CNTNAP2: variants seen among roughly 807,000 people sequenced by gnomAD.
The protein encoded by CNTNAP2 is contactin associated protein 2, also known as contactin-associated protein-like 2.
Under a neutral mutation model 155.2 loss-of-function variants are expected in CNTNAP2, and 98 were observed. The ratio of observed to expected loss-of-function variants is 0.63; its 90% CI spans 0.54 to 0.75. CNTNAP2 has a LOEUF of 0.75. CNTNAP2 is among the 30% of genes least tolerant of loss of function. CNTNAP2 has a pLI of 0.00. For synonymous variants in CNTNAP2, 651 were observed against 631.2 expected, an observed-to-expected ratio of 1.03 and a Z score of -0.47; for missense variants, 1,727 against 1,688.1, an observed-to-expected ratio of 1.02 and a Z score of -0.40.
At chr7:146,337,783 T>C (rs1352283445) in intron 1 of CNTNAP2, among the ~76,000 whole-genome samples, 2 of 152,146 alleles carry the variant, frequency 1.3e-5, no homozygotes, top group Admixed American at 6.5e-5. Context: ...ATGATTATGA[T>C]TTTATTCATT....
At chr7:146,127,376 C>G (rs1724710055) in intron 1 of CNTNAP2, among the ~76,000 whole-genome samples, 2 of 152,118 alleles carry the variant, frequency 1.3e-5, no homozygotes, top group African/African-American at 4.8e-5. Flanking sequence ...ATAAGGAACA[C>G]AGTGATCACA....
At chr7:148,186,741 A>T (rs1795121923) in intron 18 of CNTNAP2, among the ~76,000 whole-genome samples, 1 of 152,306 alleles carries the variant, frequency 6.6e-6, no homozygotes, top group Non-Finnish European at 1.5e-5. Flanking sequence ...CACCTGGCCT[A>T]AGTTTGACAC....
chr7:147,956,620 A>G (rs528214519), intron 14 of CNTNAP2, among the ~76,000 whole-genome samples: 63 of 152,278 alleles, frequency 4.1e-4, no homozygotes, highest in African/African-American at 1.4e-3. Context: ...TGAAATGACC[A>G]TGGACCGCAG....
chr7:147,629,772 C>G (rs1480732284), intron 12 of CNTNAP2, among the ~76,000 whole-genome samples: 2 of 151,854 alleles, frequency 1.3e-5, no homozygotes, highest in Admixed American at 1.3e-4. Flanking sequence ...AAAAATTGAG[C>G]TGATTGATGA....
chr7:146,994,258 A>G (rs567079625), intron 3 of CNTNAP2, among the ~76,000 whole-genome samples: 2 of 152,274 alleles, frequency 1.3e-5, no homozygotes, highest in South Asian at 2.1e-4. Context: ...CAGAGCAAGT[A>G]ATCTTACCAT....
intron 1 of CNTNAP2, among the ~76,000 whole-genome samples, chr7:146,331,728 A>G (rs1032720823): frequency 2.0e-5 from 3 of 152,192 alleles, no homozygotes; most frequent in African/African-American, 7.2e-5. Context: ...CTGTTGGGGA[A>G]GCATGTTTCA....
chr7:148,029,537 T>C (rs1334749750), intron 15 of CNTNAP2, among the ~76,000 whole-genome samples: 1 of 152,222 alleles, frequency 6.6e-6, no homozygotes, highest in East Asian at 1.9e-4. Context: ...GAAATGAAAC[T>C]ATACAACAAT....
chr7:147,510,473 C>A (rs1798994172), intron 11 of CNTNAP2, among the ~76,000 whole-genome samples: 1 of 151,798 alleles, frequency 6.6e-6, no homozygotes, highest in Admixed American at 6.6e-5. Context: ...ATGAGGATAG[C>A]AGACAAGGAA....
At position 148,337,703 on chromosome 7, in the gene CNTNAP2, A is replaced by C. The variant is rs77907174; in HGVS notation, c.3476-45946A>C. 5.1e-3 allele frequency among the ~76,000 whole-genome samples: 774 copies of C among 152,280 alleles called. 2 individuals are homozygous for C. Among genetic ancestry groups the C allele is most frequent in the Non-Finnish European group, 8.5e-3 (579 of 68,008 alleles). On this transcript the variant is annotated intron_variant, in intron 21 of 23. Coordinates refer to ENST00000361727, the MANE Select transcript of CNTNAP2 (RefSeq NM_014141.6). ...GAGAGTGAAAAAGGAATGGGTTTTT[A>C]TGTATTTCTAGCCAGCTCTTGGCCC... is the stretch of plus-strand genomic sequence containing the variant.
chr7:147,035,032 C>T (rs10260918), intron 3 of CNTNAP2, among the ~76,000 whole-genome samples: 56,128 of 152,110 alleles, frequency 0.37, 10,557 homozygotes, highest in South Asian at 0.43. Context: ...CTCTGCCCTC[C>T]TCCCATATCG....
chr7:148,121,338 T>C (rs1319267421), intron 16 of CNTNAP2, among the ~76,000 whole-genome samples: 2 of 152,146 alleles, frequency 1.3e-5, no homozygotes, highest in African/African-American at 2.4e-5. Context: ...TGGCCGCTGA[T>C]CATACTTTTT....
chr7:147,528,377 AG>A (rs776103093), intron 11 of CNTNAP2, among the ~76,000 whole-genome samples: 15 of 152,150 alleles, frequency 9.9e-5, no homozygotes, highest in Non-Finnish European at 1.9e-4. Context: ...CTAAGGATGC[AG>A]GTGTGTCTCA....
At chr7:147,200,263 G>C (rs1563113532) in intron 8 of CNTNAP2, among the ~76,000 whole-genome samples, 1 of 152,174 alleles carries the variant, frequency 6.6e-6, no homozygotes, top group Non-Finnish European at 1.5e-5. Context: ...TTGTGAGAGG[G>C]CTGAGATTTC....
chr7:147,768,842 A>G (rs190922133), intron 13 of CNTNAP2, among the ~76,000 whole-genome samples: 31 of 149,290 alleles, frequency 2.1e-4, no homozygotes, highest in Admixed American at 7.3e-4. Flanking sequence ...ATACTTTAGA[A>G]AGGCAGATAC....
chr7:147,736,708 G>T (rs892828843), intron 13 of CNTNAP2, among the ~76,000 whole-genome samples: 9 of 152,116 alleles, frequency 5.9e-5, no homozygotes, highest in Non-Finnish European at 1.2e-4. Flanking sequence ...TTTCTTGGAG[G>T]CTTTGTTCGT....
At chr7:147,788,231 C>T (rs1404554739) in intron 13 of CNTNAP2, among the ~76,000 whole-genome samples, 1 of 152,198 alleles carries the variant, frequency 6.6e-6, no homozygotes, top group Admixed American at 6.5e-5. Flanking sequence ...AGATTGCTCT[C>T]AAGTTGTCAA....
At chr7:148,260,341 G>A (rs891003122) in intron 20 of CNTNAP2, among the ~76,000 whole-genome samples, 2 of 152,054 alleles carry the variant, frequency 1.3e-5, no homozygotes, top group South Asian at 2.1e-4. Flanking sequence ...TCTGTGACTG[G>A]ACACTTTATA....
chr7:147,067,943 G>T (rs940495647), intron 4 of CNTNAP2, among the ~76,000 whole-genome samples: 1 of 152,200 alleles, frequency 6.6e-6, no homozygotes, highest in African/African-American at 2.4e-5. Flanking sequence ...TGTGGACCAG[G>T]TGTCTGGGCA....
chr7:148,075,057 C>G (rs1318139155), intron 15 of CNTNAP2, among the ~76,000 whole-genome samples: 1 of 152,168 alleles, frequency 6.6e-6, no homozygotes, highest in Non-Finnish European at 1.5e-5. Flanking sequence ...TTCTCCTTCC[C>G]ATTTTTTCAT....
Sources: gnomAD v4.1 joint callset for allele counts (sites outside exome capture counted in the v4.1 genomes callset) on GRCh38, gnomAD v4.1.1 for gene constraint, MANE v1.5 for transcripts, NCBI Gene and HGNC (gene_info 2026-07-23, HGNC 2026-07-21) for gene names.